The following HSD17B4 variants were observed in gnomAD, a reference collection of about 807,000 sequenced individuals.
HSD17B4 encodes peroxisomal multifunctional enzyme type 2.
A neutral mutation model predicts 101.0 loss-of-function variants in HSD17B4; 70 were observed. That is an observed-to-expected ratio of 0.69 (90% CI 0.57 to 0.85). HSD17B4 has a LOEUF of 0.85. HSD17B4 is among the 40% of genes least tolerant of loss of function. The probability of loss-of-function intolerance (pLI) is 0.00; values close to 1 mark genes in which losing one functional copy is unlikely to be tolerated. For missense variants in HSD17B4, 984 were observed against 892.4 expected (o/e 1.10, Z -1.31); for synonymous variants, 347 against 297.1 (o/e 1.17, Z -1.73).
chr5:119,537,547 C>T (rs1221129850), intron 23 of HSD17B4, among the ~76,000 whole-genome samples: 1 of 151,906 alleles, frequency 6.6e-6, no homozygotes, highest in Non-Finnish European at 1.5e-5. Flanking sequence ...AAGACAAAAC[C>T]CTACTGTATG....
At chr5:119,522,524 A>T (rs1753212287) in intron 17 of HSD17B4, among the ~76,000 whole-genome samples, 2 of 152,002 alleles carry the variant, frequency 1.3e-5, no homozygotes, top group South Asian at 4.1e-4. Flanking sequence ...GTTTTATGTT[A>T]GTGTTGTACA....
Position 119,489,194 on chromosome 5 carries a change from C to G in HSD17B4, c.625C>G (p.Leu209Val), listed in dbSNP as rs759555234. Reference sequence around the variant, plus strand: ...TATGTGTATATTCTTTATTTCAGATCTTGTGGAAGCCCTGAAGCCAGAGTA... The same window carrying G: ...TATGTGTATATTCTTTATTTCAGATGTTGTGGAAGCCCTGAAGCCAGAGTA... ...RMTQTVMPED[L>V]VEALKPEYVA... The change falls in exon 9 of 24, where the codon CTT becomes GTT. Residue 209 changes from leucine (L) to valine (V), a missense_variant and splice_region_variant. Transcript: ENST00000510025. The G allele has an allele frequency of 2.5e-6, 4 of 1,598,454 alleles. 1 individual carries two copies. The South Asian group carries it at 4.4e-5, about 18-fold the overall frequency.
chr5:119,498,028 C>T (rs1390427174), intron 12 of HSD17B4, among the ~76,000 whole-genome samples: 4 of 152,032 alleles, frequency 2.6e-5, no homozygotes, highest in Admixed American at 6.6e-5. Flanking sequence ...AAATGCTTCC[C>T]ATTGAGTCAG....
At chr5:119,525,031 C>A (rs1753450652) in intron 17 of HSD17B4, among the ~76,000 whole-genome samples, 185 bp from the exon 18 acceptor site, 1 of 151,956 alleles carries the variant, frequency 6.6e-6, no homozygotes, top group Non-Finnish European at 1.5e-5. Context: ...ATTTTAGTGG[C>A]AAGTGTTAAA....
intron 10 of HSD17B4, chr5:119,492,469 G>A (rs368876389): frequency 3.9e-6 from 1 of 253,384 alleles, no homozygotes; most frequent in Non-Finnish European, 7.7e-6. Context: ...TTTCAGCAGA[G>A]AAGTGAGTGG....
rs201046375 is a variant in HSD17B4, at chr5:119,536,515, A to G, written c.2086A>G (p.Met696Val). 4 of 1,612,128 alleles carry G rather than the reference A, an allele frequency of 2.5e-6. No homozygotes were observed. The highest frequency in any genetic ancestry group is 1.7e-5 in the Admixed American group (1 of 59,868). The part of the protein sequence containing the change: ...TTIILSDEDF[M>V]EVVLGKLDPQ... ...AATCATACTTTCAGATGAAGATTTC[A>G]TGGAGGTGGTCCTGGGCAAGCTTGA... The change falls in exon 23 of 24, where the codon ATG (methionine) becomes GTG (valine). Residue 696 changes from methionine (M) to valine (V), a missense_variant. Physicochemically the swap from Met to Val is conservative, Grantham distance 21. Transcript: ENST00000510025.
chr5:119,497,995 C>G (rs1314454084), intron 12 of HSD17B4, among the ~76,000 whole-genome samples: 2 of 152,062 alleles, frequency 1.3e-5, no homozygotes, highest in East Asian at 1.9e-4. Context: ...TATTTTAGAA[C>G]TATTTCAACA....
In HSD17B4 at chr5:119,456,382, T is replaced by C. The variant is rs1754660505; in HGVS notation, c.112+14T>C. On this transcript the variant is annotated intron_variant, in intron 2 of 23. Transcript: ENST00000510025. ...CGTTAGTTGTTGGTAAGTTGGTGTG[T>C]TTTTCTTTTTAATCTGTAGCTGATA... The C allele has an allele frequency of 6.4e-7, 1 of 1,555,642 alleles. No individual in the cohort carries two copies.
In HSD17B4 at chr5:119,452,524, C is replaced by T. The variant is rs1025981491; in HGVS notation, c.-52C>T. 2 of 1,613,252 alleles carry T rather than the reference C, an allele frequency of 1.2e-6. No homozygotes were observed. The highest frequency in any genetic ancestry group is 1.7e-6 in the Non-Finnish European group (2 of 1,179,906). ...TCCCCGCCTCCTCCTGTCCCGCAGT[C>T]GGCGTCCAGCGGCTCTGCTTGTTCG... On this transcript the variant is annotated 5_prime_UTR_variant, in exon 1 of 24. Coordinates refer to ENST00000510025, the MANE Select transcript of HSD17B4 (RefSeq NM_000414.4).
intron 8 of HSD17B4, among the ~76,000 whole-genome samples, chr5:119,481,445 A>G (rs549510989): frequency 6.6e-6 from 1 of 152,256 alleles, no homozygotes; most frequent in African/African-American, 2.4e-5. Flanking sequence ...TTTTCTTTCA[A>G]CACTTTAAAT....
intron 2 of HSD17B4, among the ~76,000 whole-genome samples, chr5:119,460,976 C>T (rs1326179178): frequency 6.6e-6 from 1 of 151,898 alleles, no homozygotes; most frequent in Non-Finnish European, 1.5e-5. Flanking sequence ...AGGAAGGGAG[C>T]CAGTGTGGTT....
chr5:119,504,498 C>A lies in HSD17B4; in HGVS notation c.1262-2320C>A, dbSNP rs543368967. 5.9e-5 allele frequency among the ~76,000 whole-genome samples: 9 copies of A among 152,208 alleles called. No homozygotes were observed. The South Asian group carries it at 6.2e-4, about 11-fold the overall frequency. On this transcript the variant is annotated intron_variant, in intron 14 of 23. Transcript: ENST00000510025. Reference sequence around the variant, plus strand: ...TTCTGACTGATGTGACATGGTATCTCATTGTGGTTTTGATTTGCATTTCTC... The same window carrying A: ...TTCTGACTGATGTGACATGGTATCTAATTGTGGTTTTGATTTGCATTTCTC...
Position 119,493,725 on chromosome 5 carries a change from TC to T in HSD17B4, c.740-91del, listed in dbSNP as rs879934975. 200 of 1,198,066 alleles carry T rather than the reference TC, an allele frequency of 1.7e-4. No individual in the cohort carries two copies. The Middle Eastern group carries it at 5.9e-3, about 35-fold the overall frequency. 74.2% of individuals were successfully genotyped at this position (1,198,066 alleles called of 1,614,324 possible). ...GTTAGAATCCCTTTTTTTCTGAATT[TC>T]CTTTCTCTTTAAAAATGAAAGGGTT... On this transcript the variant is annotated intron_variant, in intron 10 of 23. Transcript: ENST00000510025.
At chr5:119,507,209 G>C (rs1751733709) in intron 15 of HSD17B4, among the ~76,000 whole-genome samples, 1 of 152,180 alleles carries the variant, frequency 6.6e-6, no homozygotes, top group African/African-American at 2.4e-5. Flanking sequence ...TGGCAGGAAG[G>C]AATATTAGAT....
rs552322238 is a variant in HSD17B4, at chr5:119,529,103, T to C, written c.1768-791T>C. 1.9e-4 allele frequency among the ~76,000 whole-genome samples: 29 copies of C among 152,294 alleles called. 1 individual carries two copies. The South Asian group carries it at 5.8e-3, about 30-fold the overall frequency. ...GTGAACAAATTACTTGAAAGATCTT[T>C]TTTCCTCCAAAATATGATGAGATGT... On this transcript the variant is annotated intron_variant, in intron 20 of 23. Transcript: ENST00000510025.
At chr5:119,540,339 GGCAGT>G (rs1754886885) in intron 23 of HSD17B4, among the ~76,000 whole-genome samples, 2 of 147,180 alleles carry the variant, frequency 1.4e-5, no homozygotes, top group South Asian at 4.2e-4. Context: ...TCCGGTGCAT[GGCAGT>G]GCAGAGTTTG....
At chr5:119,465,508 C>T (rs931745744) in intron 2 of HSD17B4, among the ~76,000 whole-genome samples, 3 of 152,150 alleles carry the variant, frequency 2.0e-5, no homozygotes, top group East Asian at 1.9e-4. Context: ...GAGGGCCTTA[C>T]GAGGAGTAGA....
At chr5:119,482,280 G>C (rs1006854322) in intron 8 of HSD17B4, among the ~76,000 whole-genome samples, 4 of 151,822 alleles carry the variant, frequency 2.6e-5, no homozygotes, top group Admixed American at 2.6e-4. Flanking sequence ...TTTTACGATG[G>C]TTTTGATTTC....
chr5:119,457,420 C>G (rs919180193), intron 2 of HSD17B4, among the ~76,000 whole-genome samples: 1 of 152,210 alleles, frequency 6.6e-6, no homozygotes, highest in African/African-American at 2.4e-5. Flanking sequence ...GCACTTGATA[C>G]ACTTTTCTCC....
Sources: gnomAD v4.1 joint callset for allele counts (sites outside exome capture counted in the v4.1 genomes callset) on GRCh38, gnomAD v4.1.1 for gene constraint, MANE v1.5 for transcripts, NCBI Gene and HGNC (gene_info 2026-07-23, HGNC 2026-07-21) for gene names.